Variants in KCNK10 observed in about 807,000 individuals in gnomAD.
The protein encoded by KCNK10 is potassium channel subfamily K member 10.
Under a neutral mutation model 47.7 loss-of-function variants are expected in KCNK10, and 25 were observed. The observed-to-expected ratio is 0.52, with a 90% CI of 0.38 to 0.73. KCNK10 has a LOEUF of 0.73. KCNK10 is among the 30% of genes least tolerant of loss of function. The probability of loss-of-function intolerance (pLI) is 0.00; values close to 1 mark genes in which losing one functional copy is unlikely to be tolerated. For synonymous variants in KCNK10, 303 were observed against 285.6 expected (o/e 1.06, Z -0.61); for missense variants, 563 against 714.5 (o/e 0.79, Z 2.42).
chr14:88,194,783 A>G (rs1404374309), intron 4 of KCNK10, among the ~76,000 whole-genome samples: 1 of 152,184 alleles, frequency 6.6e-6, no homozygotes, highest in East Asian at 1.9e-4. Context: ...CCGGCTAACA[A>G]GTGTGTTCCT....
At chr14:88,251,614 T>A (rs1475320235) in intron 2 of KCNK10, among the ~76,000 whole-genome samples, 1 of 152,224 alleles carries the variant, frequency 6.6e-6, no homozygotes, top group Non-Finnish European at 1.5e-5. Flanking sequence ...AATGAACAAA[T>A]AACTTAAAAC....
intron 4 of KCNK10, among the ~76,000 whole-genome samples, chr14:88,223,641 T>C (rs536633451): frequency 6.6e-6 from 1 of 152,218 alleles, no homozygotes; most frequent in Non-Finnish European, 1.5e-5. Context: ...TATATGTGAT[T>C]TGATTTGGCT....
intron 2 of KCNK10, among the ~76,000 whole-genome samples, chr14:88,255,051 T>A (rs1296996339): frequency 6.6e-6 from 1 of 152,160 alleles, no homozygotes; most frequent in East Asian, 1.9e-4. Context: ...TGATATAACG[T>A]CCATGATCAT....
rs369084452 is a variant in KCNK10, at chr14:88,200,517, C to T, written c.682-8107G>A. On this transcript the variant is annotated intron_variant, in intron 4 of 6. Transcript: ENST00000319231. ...GAAGGGAGAAAGGGATATGCATGAA[C>T]TTTCTAGTTAGACTAGGAACGAGAA... Among the ~76,000 whole-genome samples, 12 of 152,232 alleles carry T rather than the reference C, an allele frequency of 7.9e-5. No homozygotes were observed. In the South Asian group the frequency reaches 2.3e-3, roughly 29 times the overall value.
chr14:88,239,178 C>A (rs371011518), intron 3 of KCNK10, among the ~76,000 whole-genome samples: 2 of 151,478 alleles, frequency 1.3e-5, no homozygotes, highest in African/African-American at 4.9e-5. Flanking sequence ...TTGTTCAATG[C>A]GGGATTGCCA....
intron 1 of KCNK10, among the ~76,000 whole-genome samples, chr14:88,279,317 A>G (rs1887595161): frequency 6.6e-6 from 1 of 150,920 alleles, no homozygotes; most frequent in Non-Finnish European, 1.5e-5. Flanking sequence ...ACTGCATCGC[A>G]TGGTAGCTTC....
chr14:88,323,342 G>C, upstream of KCNK10: 1 of 965,234 alleles, frequency 1.0e-6, no homozygotes, highest in South Asian at 4.8e-5. Context: ...CCTCGCCCCC[G>C]GCGACGCCCC....
At chr14:88,220,458 A>G (rs1295867870) in intron 4 of KCNK10, among the ~76,000 whole-genome samples, 1 of 144,158 alleles carries the variant, frequency 6.9e-6, no homozygotes, top group Non-Finnish European at 1.5e-5. Context: ...AAAAAAAATT[A>G]CTATAGAGCG....
At chr14:88,218,047 T>TG (rs1243565266) in intron 4 of KCNK10, among the ~76,000 whole-genome samples, 5 of 151,654 alleles carry the variant, frequency 3.3e-5, no homozygotes, top group Non-Finnish European at 5.9e-5. Flanking sequence ...TTTTCAGAGA[T>TG]GGGGTCTCAC....
intron 4 of KCNK10, among the ~76,000 whole-genome samples, chr14:88,227,018 A>G (rs1302471357): frequency 6.6e-6 from 1 of 152,190 alleles, no homozygotes; most frequent in African/African-American, 2.4e-5. Flanking sequence ...CAACAACAAA[A>G]TGGATGGATT....
intron 1 of KCNK10, among the ~76,000 whole-genome samples, chr14:88,310,205 G>GATATACCATATCATATCGTATATC (rs1888292389): frequency 2.4e-5 from 1 of 42,340 alleles, no homozygotes; most frequent in Non-Finnish European, 6.1e-5. Context: ...TATGGTATAT[G>GATATACCATATCATATCGTATATC]ATATACCATA....
chr14:88,320,966 C>T (rs1454757715), intron 1 of KCNK10, among the ~76,000 whole-genome samples: 1 of 152,222 alleles, frequency 6.6e-6, no homozygotes, highest in Non-Finnish European at 1.5e-5. Flanking sequence ...CCCTCTTGCT[C>T]TCTGCTAGGG....
At chr14:88,320,927 G>A (rs1888533206) in intron 1 of KCNK10, among the ~76,000 whole-genome samples, 1 of 152,160 alleles carries the variant, frequency 6.6e-6, no homozygotes, top group South Asian at 2.1e-4. Context: ...CTCGCCTGTG[G>A]ATCCCCCAGT....
chr14:88,214,773 A>C (rs1287311210), intron 4 of KCNK10, among the ~76,000 whole-genome samples: 5 of 152,252 alleles, frequency 3.3e-5, no homozygotes, highest in Admixed American at 6.5e-5. Context: ...GAGAGAGAGC[A>C]TGAAGTCAGA....
intron 1 of KCNK10, among the ~76,000 whole-genome samples, chr14:88,266,396 C>A (rs1308340379): frequency 1.3e-5 from 2 of 152,216 alleles, no homozygotes; most frequent in South Asian, 4.1e-4. Context: ...AACTCCCATC[C>A]TCTTTAGTCT....
intron 3 of KCNK10, among the ~76,000 whole-genome samples, chr14:88,235,918 A>AAGTC (rs1181836720): frequency 6.6e-6 from 1 of 152,232 alleles, no homozygotes; most frequent in Non-Finnish European, 1.5e-5. Flanking sequence ...CAAAAAGATA[A>AAGTC]AGTCACCTAT....
chr14:88,278,937 C>T (rs142687765), intron 1 of KCNK10, among the ~76,000 whole-genome samples: 200 of 152,302 alleles, frequency 1.3e-3, no homozygotes, highest in African/African-American at 4.6e-3. Flanking sequence ...CCTCAGAAAC[C>T]AGTTGCACTT....
intron 2 of KCNK10, among the ~76,000 whole-genome samples, chr14:88,254,423 G>T (rs1886888212): frequency 6.6e-6 from 1 of 152,118 alleles, no homozygotes; most frequent in Non-Finnish European, 1.5e-5. Context: ...GCTATGACCA[G>T]AAGAAATGGC....
intron 1 of KCNK10, among the ~76,000 whole-genome samples, chr14:88,305,939 T>C (rs1888195038): frequency 6.6e-6 from 1 of 152,186 alleles, no homozygotes; most frequent in South Asian, 2.1e-4. Flanking sequence ...CCATCTTCCA[T>C]CAGTTATTGG....
Sources: allele counts gnomAD v4.1 joint callset (sites outside exome capture counted in the v4.1 genomes callset), GRCh38; gene constraint gnomAD v4.1.1; transcripts MANE v1.5; gene names NCBI Gene and HGNC (gene_info 2026-07-23, HGNC 2026-07-21).